Variants in TFEC observed in about 807,000 individuals in gnomAD.
The protein encoded by TFEC is class E basic helix-loop-helix protein 34.
Under a neutral mutation model 41.6 loss-of-function variants are expected in TFEC, and 31 were observed. The ratio of observed to expected loss-of-function variants is 0.74; its 90% confidence interval spans 0.56 to 1.01. TFEC has a LOEUF of 1.01. Ranked by LOEUF, TFEC falls within the 50% of genes least tolerant of loss-of-function variation. The pLI is 0.00. For missense variants in TFEC, 402 were observed against 404.1 expected (o/e 0.99, Z 0.04); for synonymous variants, 143 against 140.6 (o/e 1.02, Z -0.12).
intron 3 of TFEC, among the ~76,000 whole-genome samples, chr7:116,098,263 G>A (rs571717245): frequency 5.9e-5 from 9 of 151,918 alleles, no homozygotes; most frequent in South Asian, 4.2e-4. Flanking sequence ...GGGTGCAAGC[G>A]ATTCTCCTGC....
At chr7:116,062,493 GTC>G (rs1796587003) in intron 3 of TFEC, among the ~76,000 whole-genome samples, 1 of 139,666 alleles carries the variant, frequency 7.2e-6, no homozygotes, top group Non-Finnish European at 1.5e-5. Flanking sequence ...AAGAATAATA[GTC>G]TCTAATTCCA....
chr7:115,935,886 T>A lies in TFEC; in HGVS notation c.*4665A>T, dbSNP rs556584047. The A allele has an allele frequency of 6.6e-6, 1 of 151,486 alleles. No homozygotes were observed. The highest frequency in any genetic ancestry group is 2.4e-5 in the African/African-American group (1 of 41,374). 9.4% of individuals were successfully genotyped at this position (151,486 alleles called of 1,614,324 possible). A position where few individuals can be genotyped will look rare whatever the true frequency, so the allele number is the denominator to read the frequency against. On this transcript the variant is annotated 3_prime_UTR_variant, in exon 8 of 8. Coordinates refer to ENST00000265440, the MANE Select transcript of TFEC (RefSeq NM_012252.4). ...TCATCTGATTATGCAGAAATACACA[T>A]AAAAATCCCTTTACAAGCAGATAAA...
intron 3 of TFEC, among the ~76,000 whole-genome samples, chr7:116,080,481 A>G (rs1797061644): frequency 1.3e-5 from 2 of 152,034 alleles, no homozygotes; most frequent in South Asian, 4.1e-4. Flanking sequence ...TGAGAAGAAA[A>G]AACAAAAAAC....
intron 1 of TFEC, among the ~76,000 whole-genome samples, chr7:116,128,533 T>C (rs1798262257): frequency 6.6e-6 from 1 of 152,082 alleles, no homozygotes. Context: ...TTAACTATTT[T>C]TATATAAAAA....
intron 3 of TFEC, among the ~76,000 whole-genome samples, chr7:116,046,541 C>A (rs867727644): frequency 6.6e-6 from 1 of 152,208 alleles, no homozygotes; most frequent in Middle Eastern, 3.4e-3. Flanking sequence ...TTCCCAGTCT[C>A]AGATGTGTCT....
intron 1 of TFEC, among the ~76,000 whole-genome samples, chr7:116,133,944 A>C (rs1798386229): frequency 1.3e-5 from 2 of 152,190 alleles, no homozygotes; most frequent in Admixed American, 6.5e-5. Context: ...ACAACAAAAA[A>C]AAATTAGATC....
intron 6 of TFEC, among the ~76,000 whole-genome samples, chr7:115,943,734 G>A (rs1584548662): frequency 6.6e-6 from 1 of 151,680 alleles, no homozygotes; most frequent in African/African-American, 2.4e-5. Context: ...TAAAGGCATG[G>A]CTAAAGAATG....
intron 1 of TFEC, among the ~76,000 whole-genome samples, chr7:115,989,782 A>G (rs1052928396): frequency 2.6e-5 from 4 of 152,194 alleles, no homozygotes. Flanking sequence ...CTGCCTCTGT[A>G]GACTCCACCT....
chr7:115,940,410 G>A lies in TFEC; in HGVS notation c.*141C>T. 5 of 897,194 alleles carry A rather than the reference G, an allele frequency of 5.6e-6. No homozygotes were observed. In the South Asian group the frequency reaches 1.2e-4, roughly 21 times the overall value. 55.6% of individuals were successfully genotyped at this position (897,194 alleles called of 1,614,324 possible). On this transcript the variant is annotated 3_prime_UTR_variant, in exon 8 of 8. Coordinates refer to ENST00000265440, the MANE Select transcript of TFEC (RefSeq NM_012252.4). ...GATTTTTCTTCCTGCGAATTCTTCT[G>A]TTGCTTCTATCAGTTTTTCATGAAC...
chr7:116,152,475 G>T lies in TFEC; in HGVS notation c.-69+7315C>A, dbSNP rs146241038. 5.0e-3 allele frequency among the ~76,000 whole-genome samples: 761 copies of T among 152,310 alleles called. 7 individuals carry two copies. Among genetic ancestry groups the T allele is most frequent in the Non-Finnish European group, 5.7e-3 (389 of 68,032 alleles). On this transcript the variant is annotated intron_variant, in intron 1 of 8. Transcript: ENST00000484212. ...GAGATCTGCAGAGGGTTCCCCTAGA[G>T]TCTTCAAGCGGGTACTGATCAGGGC...
At chr7:115,988,535 G>A (rs554508573) in intron 1 of TFEC, among the ~76,000 whole-genome samples, 6 of 151,786 alleles carry the variant, frequency 4.0e-5, no homozygotes, top group African/African-American at 1.4e-4. Flanking sequence ...AAAAGAAAAA[G>A]CTTAAAAACA....
chr7:116,144,090 C>A (rs542302463), intron 1 of TFEC, among the ~76,000 whole-genome samples: 4 of 151,982 alleles, frequency 2.6e-5, no homozygotes, highest in African/African-American at 9.7e-5. Context: ...TGGTGGCACA[C>A]GCCTGTAATC....
intron 6 of TFEC, among the ~76,000 whole-genome samples, chr7:115,946,021 T>C (rs1239337745): frequency 6.6e-6 from 1 of 151,794 alleles, no homozygotes; most frequent in African/African-American, 2.4e-5. Context: ...GAAAATGAAT[T>C]AGAACTAGAA....
intron 1 of TFEC, among the ~76,000 whole-genome samples, chr7:115,989,781 T>C (rs1002489490): frequency 6.6e-6 from 1 of 152,190 alleles, no homozygotes; most frequent in Admixed American, 6.5e-5. Context: ...CCTGCCTCTG[T>C]AGACTCCACC....
At chr7:115,979,575 C>T (rs866484248) in intron 2 of TFEC, among the ~76,000 whole-genome samples, 2 of 152,194 alleles carry the variant, frequency 1.3e-5, no homozygotes, top group East Asian at 1.9e-4. Flanking sequence ...TCTTATTGAC[C>T]GTTCTAAGTT....
At chr7:115,985,087 T>C (rs1187187098) in intron 1 of TFEC, among the ~76,000 whole-genome samples, 1 of 119,602 alleles carries the variant, frequency 8.4e-6, no homozygotes, top group Non-Finnish European at 1.7e-5. Flanking sequence ...CCAGTTTTAT[T>C]TTTTTAATCT....
intron 1 of TFEC, among the ~76,000 whole-genome samples, chr7:116,114,502 C>T (rs1000960463): frequency 5.3e-5 from 8 of 151,974 alleles, no homozygotes. Flanking sequence ...TTTCTAAAAG[C>T]AGCAATTCTC....
At chr7:116,103,219 G>A (rs17302610) in intron 3 of TFEC, among the ~76,000 whole-genome samples, 23,574 of 152,104 alleles carry the variant, frequency 0.15, 1,974 homozygotes, top group East Asian at 0.33. Context: ...GCAGGAAATG[G>A]GAATAGGTCT....
intron 1 of TFEC, among the ~76,000 whole-genome samples, chr7:116,141,541 T>A (rs1036411883): frequency 6.6e-6 from 1 of 152,192 alleles, no homozygotes; most frequent in Non-Finnish European, 1.5e-5. Context: ...TTGGGTATGA[T>A]CATGTGTGCT....
Sources: gnomAD v4.1 joint callset for allele counts (sites outside exome capture counted in the v4.1 genomes callset) on GRCh38, gnomAD v4.1.1 for gene constraint, MANE v1.5 for transcripts, NCBI Gene and HGNC (gene_info 2026-07-23, HGNC 2026-07-21) for gene names.